Variants in NWD2 observed in about 807,000 individuals in gnomAD.
The protein encoded by NWD2 is NACHT and WD repeat domain containing 2, also known as NACHT and WD repeat domain-containing protein 2.
NWD2 carries 37 observed loss-of-function variants against 132.7 expected under a neutral mutation model. That is an observed-to-expected ratio of 0.28 (90% CI 0.21 to 0.37). The LOEUF is 0.37. Among genes scored for constraint, NWD2 ranks in the 10% least tolerant of loss-of-function variants. The probability of loss-of-function intolerance (pLI) is 1.00; values close to 1 mark genes in which losing one functional copy is unlikely to be tolerated. For synonymous variants in NWD2, 705 were observed against 803.0 expected (o/e 0.88, Z 2.06); for missense variants, 1,592 against 2,122.4 (o/e 0.75, Z 4.91).
intron 2 of NWD2, among the ~76,000 whole-genome samples, chr4:37,356,031 A>G (rs1379509417): frequency 2.0e-5 from 3 of 152,190 alleles, no homozygotes; most frequent in Non-Finnish European, 4.4e-5. Context: ...TGTCTCAAGT[A>G]CTATGGTAAC....
Position 37,447,115 on chromosome 4 carries a change from T to C in NWD2, c.5127T>C (p.Thr1709=), listed in dbSNP as rs1354683761. ...GCCCCATCACAGTTAGTGACTCTAC[T>C]GAGTCCAATGAAGCAACACCCTCCA... ...RDSPITVSDS[T]ESNEATPSKK... Residue 1709 remains threonine (T), a synonymous_variant, in exon 7 of 7, where the codon ACT becomes ACC. Transcript: ENST00000309447. The C allele has an allele frequency of 5.2e-6, 8 of 1,551,428 alleles. No homozygotes were observed. In the Admixed American group the frequency reaches 9.8e-5, roughly 19 times the overall value.
At chr4:37,312,190 A>T (rs1321080666) in intron 1 of NWD2, among the ~76,000 whole-genome samples, 1 of 151,462 alleles carries the variant, frequency 6.6e-6, no homozygotes, top group Non-Finnish European at 1.5e-5. Flanking sequence ...CTTGATGGGG[A>T]TGGCATTGAA....
chr4:37,275,796 G>C (rs137992600), intron 1 of NWD2, among the ~76,000 whole-genome samples: 4 of 151,994 alleles, frequency 2.6e-5, no homozygotes, highest in African/African-American at 9.7e-5. Context: ...GTAAGGCCAC[G>C]TATCTACAAC....
chr4:37,386,460 ACT>A (rs1720566271), intron 3 of NWD2, among the ~76,000 whole-genome samples: 2 of 151,832 alleles, frequency 1.3e-5, no homozygotes, highest in African/African-American at 4.8e-5. Flanking sequence ...TGCTTACTGT[ACT>A]CTCTGCAAAT....
intron 1 of NWD2, among the ~76,000 whole-genome samples, chr4:37,286,141 C>T (rs1718226229): frequency 6.6e-6 from 1 of 152,198 alleles, no homozygotes; most frequent in African/African-American, 2.4e-5. Context: ...TTCAAATAGA[C>T]TTTTATTGCT....
At chr4:37,276,848 G>T (rs1362063545) in intron 1 of NWD2, among the ~76,000 whole-genome samples, 3 of 152,048 alleles carry the variant, frequency 2.0e-5, no homozygotes, top group Admixed American at 6.6e-5. Flanking sequence ...TATGGATGAA[G>T]CTGGAAACCA....
chr4:37,369,727 AG>A (rs113579271), intron 3 of NWD2, among the ~76,000 whole-genome samples: 4 of 152,114 alleles, frequency 2.6e-5, no homozygotes, highest in Non-Finnish European at 4.4e-5. Context: ...CAAAAGGTAG[AG>A]GGGGGGTCAA....
At chr4:37,434,338 T>C (rs1205270981) in intron 5 of NWD2, among the ~76,000 whole-genome samples, 2 of 152,178 alleles carry the variant, frequency 1.3e-5, no homozygotes, top group Non-Finnish European at 1.5e-5. Flanking sequence ...CAGCAAATAT[T>C]AATGGATCTA....
At chr4:37,405,128 G>A (rs1433161908) in intron 3 of NWD2, among the ~76,000 whole-genome samples, 1 of 152,142 alleles carries the variant, frequency 6.6e-6, no homozygotes, top group East Asian at 1.9e-4. Context: ...TCAGTGTAAA[G>A]ATTTTCCTGT....
At chr4:37,352,708 A>T (rs1719795339) in intron 2 of NWD2, among the ~76,000 whole-genome samples, 1 of 152,182 alleles carries the variant, frequency 6.6e-6, no homozygotes, top group Non-Finnish European at 1.5e-5. Flanking sequence ...TTTGCTTGGT[A>T]AATATTCCTC....
At chr4:37,320,365 C>T (rs939337922) in intron 1 of NWD2, among the ~76,000 whole-genome samples, 3 of 152,160 alleles carry the variant, frequency 2.0e-5, no homozygotes, top group Non-Finnish European at 4.4e-5. Flanking sequence ...TCCTCTGGAC[C>T]ACCAGATGCC....
At chr4:37,434,349 T>C (rs552278247) in intron 5 of NWD2, among the ~76,000 whole-genome samples, 20 of 152,340 alleles carry the variant, frequency 1.3e-4, no homozygotes, top group South Asian at 8.3e-4. Context: ...AATGGATCTA[T>C]TGAGTTCCTA....
At chr4:37,309,736 C>T (rs910914379) in intron 1 of NWD2, among the ~76,000 whole-genome samples, 9 of 152,178 alleles carry the variant, frequency 5.9e-5, no homozygotes, top group African/African-American at 2.2e-4. Context: ...TGCCTTTTCT[C>T]ACAGTGCAGA....
At chr4:37,403,992 A>G (rs936377786) in intron 3 of NWD2, among the ~76,000 whole-genome samples, 19 of 152,214 alleles carry the variant, frequency 1.2e-4, no homozygotes, top group Non-Finnish European at 1.8e-4. Flanking sequence ...TGAGAGACCT[A>G]TAGAATTAGA....
At chr4:37,431,673 T>C (rs1302108865) in intron 4 of NWD2, among the ~76,000 whole-genome samples, 4 of 152,200 alleles carry the variant, frequency 2.6e-5, no homozygotes, top group African/African-American at 7.2e-5. Flanking sequence ...GATTTGTTAG[T>C]TAGCTTGATT....
chr4:37,424,615 G>C (rs1711939972), intron 3 of NWD2, among the ~76,000 whole-genome samples: 1 of 152,224 alleles, frequency 6.6e-6, no homozygotes, highest in African/African-American at 2.4e-5. Context: ...GCTTCAGCTT[G>C]TTACAGCACC....
At chr4:37,375,482 C>T (rs71604061) in intron 3 of NWD2, among the ~76,000 whole-genome samples, 4,354 of 151,858 alleles carry the variant, frequency 0.029, 97 homozygotes, top group Non-Finnish European at 0.044. Context: ...GAGACTGACA[C>T]ATAGAAAGAT....
rs1384678774 is a variant in NWD2 at position 37,446,600 on chromosome 4, C to T, written c.4612C>T (p.Leu1538=). ...EDFEISPNGK[L]GIIARGDENI... is the part of the protein sequence containing the mutation. ...CTTTGAAATTTCTCCCAATGGAAAG[C>T]TAGGCATTATAGCCAGGGGAGATGA... Residue 1538 remains leucine, a synonymous_variant, in exon 7 of 7, where the codon CTA becomes TTA. Coordinates refer to ENST00000309447, the MANE Select transcript of NWD2 (RefSeq NM_001144990.2). The surrounding 1 kb of genome is among the most constrained non-coding windows in gnomAD (Gnocchi z 6.7). 6.4e-7 allele frequency: 1 copy of T among 1,551,482 alleles called. No individual in the cohort carries two copies. The highest frequency in any genetic ancestry group is 2.4e-5 in the East Asian group (1 of 40,922).
chr4:37,254,781 C>A (rs1395812078), intron 1 of NWD2, among the ~76,000 whole-genome samples: 2 of 152,080 alleles, frequency 1.3e-5, no homozygotes, highest in African/African-American at 4.8e-5. Context: ...GAGAATAATA[C>A]CCCCCTTCTA....
Sources: gnomAD v4.1 joint callset for allele counts (sites outside exome capture counted in the v4.1 genomes callset) on GRCh38, gnomAD v4.1.1 for gene constraint, Gnocchi (gnomAD v3.1) non-coding constraint, MANE v1.5 for transcripts, NCBI Gene and HGNC (gene_info 2026-07-23, HGNC 2026-07-21) for gene names.